PAPOLA: variants seen among roughly 807,000 people sequenced by gnomAD.
The protein encoded by PAPOLA is polynucleotide adenylyltransferase alpha.
In PAPOLA, 15 loss-of-function variants were observed where a neutral mutation model predicts 100.6. The observed-to-expected ratio is 0.15, with a 90% confidence interval of 0.10 to 0.23. The LOEUF is 0.23. Ranked by LOEUF, PAPOLA falls within the 10% of genes least tolerant of loss-of-function variation. The probability of loss-of-function intolerance (pLI) is 1.00; values close to 1 mark genes in which losing one functional copy is unlikely to be tolerated. For missense variants in PAPOLA, 533 were observed against 884.2 expected, an observed-to-expected ratio of 0.60 and a Z score of 5.04; for synonymous variants, 293 against 300.0, an observed-to-expected ratio of 0.98 and a Z score of 0.24.
chr14:96,560,555 T>C, intron 19 of PAPOLA, 94 bp from the exon 20 acceptor site: 2 of 780,534 alleles, frequency 2.6e-6, no homozygotes, highest in Non-Finnish European at 4.4e-6. Context: ...GGTTTAATTA[T>C]TTTATAGTTT....
intron 12 of PAPOLA, among the ~76,000 whole-genome samples, chr14:96,541,108 C>T (rs897919257): frequency 6.6e-6 from 1 of 152,102 alleles, no homozygotes; most frequent in Admixed American, 6.5e-5. Context: ...CCAGGATGGT[C>T]TCATCTCCTG....
chr14:96,513,915 C>T (rs1350085295), intron 1 of PAPOLA, among the ~76,000 whole-genome samples: 5 of 152,080 alleles, frequency 3.3e-5, no homozygotes, highest in African/African-American at 4.8e-5. Context: ...TTTTGCGTTC[C>T]GTGTCTTGCT....
chr14:96,521,588 C>G (rs899989503), intron 3 of PAPOLA, among the ~76,000 whole-genome samples: 1 of 152,012 alleles, frequency 6.6e-6, no homozygotes. Context: ...TTCCTGAGTT[C>G]AAGCAGTCCT....
At chr14:96,507,683 G>T (rs1215505221) in intron 1 of PAPOLA, among the ~76,000 whole-genome samples, 1 of 152,112 alleles carries the variant, frequency 6.6e-6, no homozygotes, top group African/African-American at 2.4e-5. Flanking sequence ...GTGGATATTG[G>T]TAAGCATAAT....
intron 4 of PAPOLA, chr14:96,527,161 C>T: frequency 2.4e-6 from 1 of 419,792 alleles, no homozygotes. Flanking sequence ...CCCTCTCCAC[C>T]ATGAAAGTAC....
At chr14:96,562,183 C>T (rs147987945) in intron 20 of PAPOLA, among the ~76,000 whole-genome samples, 148 of 152,166 alleles carry the variant, frequency 9.7e-4, no homozygotes, top group African/African-American at 3.4e-3. Context: ...TGAGCCACCA[C>T]GTCTGGCCTA....
At chr14:96,528,058 G>C in intron 6 of PAPOLA, 52 bp downstream of exon 6, 1 of 1,176,184 alleles carries the variant, frequency 8.5e-7, no homozygotes, top group Non-Finnish European at 1.3e-6. Context: ...CACTAATTTT[G>C]ATTGATATAG....
chr14:96,530,774 CATAGATA>C (rs1898935840), intron 6 of PAPOLA, among the ~76,000 whole-genome samples: 5 of 152,088 alleles, frequency 3.3e-5, no homozygotes, highest in Admixed American at 2.0e-4. Context: ...TTGTCGTGTT[CATAGATA>C]ATGAAAGGAT....
intron 3 of PAPOLA, among the ~76,000 whole-genome samples, chr14:96,524,711 A>G (rs1003800692): frequency 2.6e-5 from 4 of 152,088 alleles, no homozygotes; most frequent in African/African-American, 9.7e-5. Flanking sequence ...TTTTGTAGAG[A>G]CGGGGTTTCA....
chr14:96,521,167 G>A (rs1897931176), intron 3 of PAPOLA, 95 bp downstream of exon 3: 2 of 709,736 alleles, frequency 2.8e-6, no homozygotes, highest in African/African-American at 3.6e-5. Context: ...GAGTGGATTT[G>A]GAGTCTTTAA....
chr14:96,529,950 G>T (rs138037994), intron 6 of PAPOLA, among the ~76,000 whole-genome samples: 112 of 152,166 alleles, frequency 7.4e-4, no homozygotes, highest in African/African-American at 2.5e-3. Flanking sequence ...ACTTTCCCCA[G>T]TGTTTTTGTT....
At chr14:96,534,293 A>G in intron 9 of PAPOLA, 198 bp from the exon 10 acceptor site, 22 of 1,365,500 alleles carry the variant, frequency 1.6e-5, no homozygotes, top group Non-Finnish European at 2.1e-5. Flanking sequence ...GAAGGCTACC[A>G]AATGGTTTAA....
intron 17 of PAPOLA, among the ~76,000 whole-genome samples, chr14:96,555,390 T>TA (rs1358763501): frequency 1.3e-5 from 2 of 152,032 alleles, no homozygotes; most frequent in African/African-American, 4.8e-5. Flanking sequence ...AATAACTTTT[T>TA]AAAGGATTTT....
chr14:96,544,335 A>C (rs1038360748), intron 15 of PAPOLA, 77 bp downstream of exon 15: 1 of 687,032 alleles, frequency 1.5e-6, no homozygotes, highest in Non-Finnish European at 2.6e-6. Context: ...CCATAGTGAT[A>C]TTTACAATAA....
chr14:96,533,878 A>G (rs567842782), intron 9 of PAPOLA: 10 of 985,412 alleles, frequency 1.0e-5, no homozygotes, highest in Non-Finnish European at 1.1e-5. Context: ...AATGCTACAC[A>G]TATATAAGCA....
At chr14:96,559,575 C>CTT (rs1196304057) in intron 19 of PAPOLA, among the ~76,000 whole-genome samples, 5 of 113,628 alleles carry the variant, frequency 4.4e-5, no homozygotes, top group African/African-American at 1.6e-4. Context: ...CTCTCTCTCT[C>CTT]TCTCTCTATA....
At chr14:96,551,490 A>G (rs1900844950) in intron 16 of PAPOLA, among the ~76,000 whole-genome samples, 1 of 152,224 alleles carries the variant, frequency 6.6e-6, no homozygotes, top group African/African-American at 2.4e-5. Context: ...ATTCATGTAC[A>G]TAAGTGATAT....
At chr14:96,539,722 C>T (rs1255059532) in intron 12 of PAPOLA, among the ~76,000 whole-genome samples, 7 of 152,030 alleles carry the variant, frequency 4.6e-5, no homozygotes, top group Admixed American at 1.3e-4. Context: ...CATGATTTTT[C>T]GTACATCAAC....
In PAPOLA at chr14:96,531,355, C is replaced by T; in HGVS notation, c.496-120C>T. ...CCATGTTGCCCAGGCTGGTCTTGCT[C>T]AAGTGTTCCACCTGCCTCAGCCTCC... is the stretch of plus-strand genomic sequence containing the variant. On this transcript the variant is annotated intron_variant, in intron 6 of 21. Transcript: ENST00000216277. The T allele has an allele frequency of 7.1e-6, 5 of 706,970 alleles. No individual in the cohort carries two copies. The South Asian group carries it at 9.6e-5, about 14-fold the overall frequency. 43.8% of individuals were successfully genotyped at this position (706,970 alleles called of 1,614,324 possible). A position where few individuals can be genotyped will look rare whatever the true frequency, so the allele number is the denominator to read the frequency against.
Sources: gnomAD v4.1 joint callset for allele counts (sites outside exome capture counted in the v4.1 genomes callset) on GRCh38, gnomAD v4.1.1 for gene constraint, MANE v1.5 for transcripts, NCBI Gene and HGNC (gene_info 2026-07-23, HGNC 2026-07-21) for gene names.